The following PIK3CB variants were observed in gnomAD, a reference collection of about 807,000 sequenced individuals.
The protein encoded by PIK3CB is phosphatidylinositol 4,5-bisphosphate 3-kinase catalytic subunit beta isoform.
Under a neutral mutation model 136.8 loss-of-function variants are expected in PIK3CB, and 39 were observed. The ratio of observed to expected loss-of-function variants is 0.29; its 90% CI spans 0.22 to 0.37. The LOEUF is 0.37. Ranked by LOEUF, PIK3CB falls within the 10% of genes least tolerant of loss-of-function variation. PIK3CB has a pLI of 1.00. For synonymous variants in PIK3CB, 428 were observed against 436.6 expected (o/e 0.98, Z 0.25); for missense variants, 868 against 1,275.4 (o/e 0.68, Z 4.87).
At chr3:138,808,887 T>C (rs532192529) in intron 1 of PIK3CB, among the ~76,000 whole-genome samples, 217 of 152,156 alleles carry the variant, frequency 1.4e-3, no homozygotes, top group Non-Finnish European at 2.4e-3. Flanking sequence ...TTCTGCTGTT[T>C]AAAGGGAAAA....
intron 3 of PIK3CB, 79 bp from the exon 4 acceptor site, chr3:138,756,058 C>A: frequency 1.6e-6 from 1 of 624,446 alleles, no homozygotes; most frequent in Non-Finnish European, 2.7e-6. Context: ...CTCACTGCAG[C>A]ACTGTTTGTA....
At chr3:138,751,879 G>A (rs898724995) in intron 4 of PIK3CB, among the ~76,000 whole-genome samples, 5 of 150,430 alleles carry the variant, frequency 3.3e-5, no homozygotes, top group African/African-American at 9.8e-5. Flanking sequence ...GCTCAGGCAT[G>A]AGAATCACTT....
intron 7 of PIK3CB, 29 bp downstream of exon 7, chr3:138,734,605 G>A (rs2108643840): frequency 1.3e-6 from 2 of 1,529,900 alleles, no homozygotes; most frequent in South Asian, 2.3e-5. Flanking sequence ...GGCTTTTGGG[G>A]TTACTAAAGG....
Position 138,655,511 on chromosome 3 carries a change from C to G in PIK3CB, c.3091G>C (p.Gly1031Arg), listed in dbSNP as rs1334325100. ...TTGAGTGCTTCTTCTTCACTCTTCCCTAATGCAAGAGAGTCCTAAAATGGA... is the reference window on the plus strand; with the variant it reads ...TTGAGTGCTTCTTCTTCACTCTTCCGTAATGCAAGAGAGTCCTAAAATGGA... ...IQYLKDSLAL[G>R]KSEEEALKQF... Residue 1031 changes from glycine to arginine, a missense_variant, in exon 24 of 24, where the codon GGG becomes CGG. Transcript: ENST00000674063. 2 of 1,611,140 alleles carry G rather than the reference C, an allele frequency of 1.2e-6. No individual in the cohort carries two copies. The highest frequency in any genetic ancestry group is 1.7e-6 in the Non-Finnish European group (2 of 1,177,458).
chr3:138,707,241 G>A lies in PIK3CB; in HGVS notation c.1448C>T (p.Pro483Leu). Residue 483 changes from proline (P) to leucine (L), a missense_variant, in exon 11 of 24, where the codon CCA becomes CTA. By Grantham distance (98) the Pro-to-Leu change is moderately conservative. Transcript: ENST00000674063. ...LNPMGTVQTN[P>L]YTENATALHV... ...CAAAGCTGTTGCATTTTCAGTATAT[G>A]GATTTGTTTGAACAGTTCCCATTGG... 6.2e-7 allele frequency: 1 copy of A among 1,612,240 alleles called. No homozygotes were observed. Among genetic ancestry groups the A allele is most frequent in the Non-Finnish European group, 8.5e-7 (1 of 1,178,784 alleles).
At chr3:138,808,489 T>C (rs900728545) in intron 1 of PIK3CB, among the ~76,000 whole-genome samples, 1 of 151,990 alleles carries the variant, frequency 6.6e-6, no homozygotes, top group Non-Finnish European at 1.5e-5. Context: ...TTGAACAACT[T>C]TGTAGTCTCT....
intron 13 of PIK3CB, among the ~76,000 whole-genome samples, chr3:138,697,071 A>G (rs2044152276): frequency 6.6e-6 from 1 of 152,220 alleles, no homozygotes; most frequent in South Asian, 2.1e-4. Context: ...GCCAAAACTC[A>G]CCAAACCTCT....
At chr3:138,792,149 C>T (rs926588211) in intron 2 of PIK3CB, among the ~76,000 whole-genome samples, 1 of 151,954 alleles carries the variant, frequency 6.6e-6, no homozygotes, top group South Asian at 2.1e-4. Context: ...GAGCTGAGAT[C>T]GCGCCATTGC....
At chr3:138,701,520 C>T (rs2044252261) in intron 12 of PIK3CB, among the ~76,000 whole-genome samples, 1 of 152,102 alleles carries the variant, frequency 6.6e-6, no homozygotes, top group Non-Finnish European at 1.5e-5. Context: ...GGCGTGGTGG[C>T]TGACGCCTGT....
intron 11 of PIK3CB, among the ~76,000 whole-genome samples, chr3:138,705,412 G>C (rs2108554658): frequency 6.6e-6 from 1 of 151,950 alleles, no homozygotes; most frequent in East Asian, 1.9e-4. Flanking sequence ...AAACGTATTG[G>C]ATGAGTCAAA....
intron 21 of PIK3CB, among the ~76,000 whole-genome samples, chr3:138,659,520 A>G (rs1430461167): frequency 2.0e-5 from 3 of 149,106 alleles, no homozygotes; most frequent in Non-Finnish European, 4.5e-5. Flanking sequence ...CCATCTCAGA[A>G]AAAAAAAAAA....
chr3:138,710,157 CTGGG>C (rs2044468020), intron 10 of PIK3CB, among the ~76,000 whole-genome samples: 1 of 152,114 alleles, frequency 6.6e-6, no homozygotes, highest in South Asian at 2.1e-4. Context: ...ACACTCCAGC[CTGGG>C]TGACAGGGTG....
chr3:138,751,969 T>A (rs1265561867), intron 4 of PIK3CB, among the ~76,000 whole-genome samples: 3 of 99,278 alleles, frequency 3.0e-5, no homozygotes, highest in East Asian at 7.3e-4. Context: ...AGACTCTGTA[T>A]ATAAAAAAAA....
chr3:138,693,684 G>A (rs1288193189), intron 14 of PIK3CB, among the ~76,000 whole-genome samples: 1 of 151,922 alleles, frequency 6.6e-6, no homozygotes, highest in African/African-American at 2.4e-5. Context: ...ACAGGCATAA[G>A]CCACCACACC....
At chr3:138,706,252 A>T (rs1008561628) in intron 11 of PIK3CB, among the ~76,000 whole-genome samples, 2 of 152,204 alleles carry the variant, frequency 1.3e-5, no homozygotes, top group Admixed American at 1.3e-4. Flanking sequence ...AATAAAAAAC[A>T]CCATGCCAAA....
intron 15 of PIK3CB, among the ~76,000 whole-genome samples, chr3:138,690,493 T>C (rs2043985036): frequency 6.6e-6 from 1 of 152,016 alleles, no homozygotes; most frequent in Admixed American, 6.6e-5. Flanking sequence ...GTTCGTGTAT[T>C]TCTGGAAATT....
At chr3:138,747,054 T>TTATATA (rs59299476) in intron 4 of PIK3CB, among the ~76,000 whole-genome samples, 13 of 42,238 alleles carry the variant, frequency 3.1e-4, no homozygotes, top group Non-Finnish European at 4.6e-4. Context: ...TATTCAGCCT[T>TTATATA]TATATATATA....
At chr3:138,698,240 T>G (rs576004457) in intron 13 of PIK3CB, among the ~76,000 whole-genome samples, 2 of 152,110 alleles carry the variant, frequency 1.3e-5, no homozygotes, top group Non-Finnish European at 2.9e-5. Flanking sequence ...ATGAAAAAAT[T>G]TGGTTATTTT....
Position 138,652,814 on chromosome 3 carries a change from C to T in PIK3CB, c.*2575G>A, listed in dbSNP as rs1258720362. On this transcript the variant is annotated 3_prime_UTR_variant, in exon 24 of 24. Coordinates refer to ENST00000674063, the MANE Select transcript of PIK3CB (RefSeq NM_006219.3). Reference sequence around the variant, plus strand: ...AATGGATACCCCAATTACCCTGATGCGATAATTACATGTTATATGCCTGTA... The same window carrying T: ...AATGGATACCCCAATTACCCTGATGTGATAATTACATGTTATATGCCTGTA... The T allele has an allele frequency of 1.8e-5, 4 of 221,228 alleles. No homozygotes were observed. Among genetic ancestry groups the T allele is most frequent in the African/African-American group, 2.2e-5 (1 of 44,636 alleles). 13.7% of individuals were successfully genotyped at this position (221,228 alleles called of 1,614,324 possible). A position where few individuals can be genotyped will look rare whatever the true frequency, so the allele number is the denominator to read the frequency against.
Sources: allele counts gnomAD v4.1 joint callset (sites outside exome capture counted in the v4.1 genomes callset), GRCh38; gene constraint gnomAD v4.1.1; transcripts MANE v1.5; gene names NCBI Gene and HGNC (gene_info 2026-07-23, HGNC 2026-07-21).